Variants in CSNK2A2 observed in about 807,000 individuals in gnomAD.
CSNK2A2 encodes casein kinase II subunit alpha'.
In CSNK2A2, 8 loss-of-function variants were observed where a neutral mutation model predicts 54.0. The observed-to-expected ratio is 0.15, with a 90% confidence interval of 0.09 to 0.27. CSNK2A2 has a LOEUF of 0.27. Among genes scored for constraint, CSNK2A2 ranks in the 10% least tolerant of loss-of-function variants. CSNK2A2 has a pLI of 1.00. For missense variants in CSNK2A2, 242 were observed against 439.4 expected (o/e 0.55, Z 4.02); for synonymous variants, 141 against 153.9 (o/e 0.92, Z 0.62).
At chr16:58,196,020 T>A (rs1012861857) in intron 2 of CSNK2A2, among the ~76,000 whole-genome samples, 4 of 152,238 alleles carry the variant, frequency 2.6e-5, no homozygotes, top group African/African-American at 9.6e-5. Flanking sequence ...TTGAAATACA[T>A]TTCTGAAGTC....
At position 58,172,262 on chromosome 16, in the gene CSNK2A2, G is replaced by A. The variant is rs560754067; in HGVS notation, c.429+2189C>T. On this transcript the variant is annotated intron_variant, in intron 5 of 11. Coordinates refer to ENST00000262506, the MANE Select transcript of CSNK2A2 (RefSeq NM_001896.4). ...AACATCCAAAAGACTGTACGTTTAAGATTTATTTACTTCACTTACATTCTA... is the reference window on the plus strand; with the variant it reads ...AACATCCAAAAGACTGTACGTTTAAAATTTATTTACTTCACTTACATTCTA... 4.5e-4 allele frequency among the ~76,000 whole-genome samples: 68 copies of A among 152,192 alleles called. 2 individuals are homozygous for A. Among genetic ancestry groups the A allele is most frequent in the African/African-American group, 1.6e-3 (65 of 41,536 alleles).
chr16:58,171,806 T>C (rs1052765259), intron 5 of CSNK2A2, among the ~76,000 whole-genome samples: 6 of 150,806 alleles, frequency 4.0e-5, no homozygotes, highest in Non-Finnish European at 8.9e-5. Context: ...TTTATTTTTT[T>C]GTACAGGGCC....
intron 5 of CSNK2A2, among the ~76,000 whole-genome samples, chr16:58,171,867 A>G (rs550976965): frequency 1.3e-5 from 2 of 148,388 alleles, no homozygotes; most frequent in Admixed American, 1.3e-4. Context: ...AGCTCACTGC[A>G]ACCTCTGCCT....
At chr16:58,191,230 G>A (rs1962313520) in intron 2 of CSNK2A2, among the ~76,000 whole-genome samples, 1 of 152,194 alleles carries the variant, frequency 6.6e-6, no homozygotes, top group Non-Finnish European at 1.5e-5. Context: ...GAAATAGGTA[G>A]TTACTGTTTA....
intron 4 of CSNK2A2, among the ~76,000 whole-genome samples, chr16:58,178,914 G>A (rs1351814208): frequency 6.6e-6 from 1 of 152,118 alleles, no homozygotes; most frequent in Non-Finnish European, 1.5e-5. Flanking sequence ...CACGTTCTCT[G>A]AACATAGTGC....
At chr16:58,172,774 G>A (rs1961777087) in intron 5 of CSNK2A2, among the ~76,000 whole-genome samples, 1 of 152,186 alleles carries the variant, frequency 6.6e-6, no homozygotes. Flanking sequence ...AAGCATGAAT[G>A]ACGTTTTTCA....
chr16:58,159,473 A>G (rs1458310456), intron 11 of CSNK2A2: 1 of 152,284 alleles, frequency 6.6e-6, no homozygotes, highest in Non-Finnish European at 1.5e-5. Context: ...AAGGTGTAAC[A>G]CACATCTTTG....
intron 5 of CSNK2A2, among the ~76,000 whole-genome samples, chr16:58,171,958 C>CATATATATATATAT (rs71155247): frequency 1.2e-3 from 37 of 31,326 alleles, no homozygotes; most frequent in East Asian, 2.2e-3. Context: ...CTGGAGCATG[C>CATATATATATATAT]ATATATATAT....
At chr16:58,192,057 C>G (rs1477514373) in intron 2 of CSNK2A2, among the ~76,000 whole-genome samples, 1 of 152,178 alleles carries the variant, frequency 6.6e-6, no homozygotes, top group Non-Finnish European at 1.5e-5. Flanking sequence ...GACAATCAAT[C>G]TCTCTACCCA....
chr16:58,177,121 G>A (rs1961902155), intron 4 of CSNK2A2, among the ~76,000 whole-genome samples: 1 of 152,148 alleles, frequency 6.6e-6, no homozygotes, highest in Non-Finnish European at 1.5e-5. Flanking sequence ...TCACACAGCC[G>A]AAAAGCAAGT....
intron 4 of CSNK2A2, among the ~76,000 whole-genome samples, chr16:58,177,356 C>T (rs1961910502): frequency 6.6e-6 from 1 of 152,188 alleles, no homozygotes; most frequent in South Asian, 2.1e-4. Flanking sequence ...AAAATGCTGG[C>T]AGGAAGTCAG....
At chr16:58,176,490 G>A (rs530205127) in intron 4 of CSNK2A2, among the ~76,000 whole-genome samples, 4 of 152,236 alleles carry the variant, frequency 2.6e-5, no homozygotes, top group South Asian at 4.1e-4. Context: ...CAGGATCTCC[G>A]GGTAGGAGGA....
intron 2 of CSNK2A2, among the ~76,000 whole-genome samples, chr16:58,190,986 T>C (rs1962308876): frequency 6.6e-6 from 1 of 152,222 alleles, no homozygotes; most frequent in Non-Finnish European, 1.5e-5. Context: ...CATCCACTGA[T>C]GGATGAATGG....
intron 10 of CSNK2A2, among the ~76,000 whole-genome samples, chr16:58,164,982 G>A (rs955270578): frequency 2.0e-5 from 3 of 152,180 alleles, no homozygotes; most frequent in African/African-American, 7.2e-5. Context: ...CTGATAATAG[G>A]AGGAAGTTTA....
At chr16:58,169,829 C>A (rs1008638602) in intron 5 of CSNK2A2, among the ~76,000 whole-genome samples, 12 of 151,878 alleles carry the variant, frequency 7.9e-5, no homozygotes, top group Non-Finnish European at 1.8e-4. Flanking sequence ...CAGATCACTT[C>A]AGGTCAGGAG....
chr16:58,183,477 C>G (rs923866449), intron 4 of CSNK2A2, among the ~76,000 whole-genome samples: 27 of 152,120 alleles, frequency 1.8e-4, no homozygotes, highest in Non-Finnish European at 5.9e-5. Context: ...AGTTTTGTCT[C>G]TAGCTCCTGT....
At chr16:58,167,905 T>C (rs188360477) in intron 6 of CSNK2A2, 110 bp from the exon 7 acceptor site, 5 of 810,744 alleles carry the variant, frequency 6.2e-6, no homozygotes, top group Admixed American at 6.2e-5. Flanking sequence ...ACAAAAAATG[T>C]GAGCAGGTGC....
chr16:58,192,298 C>G (rs1597126024), intron 2 of CSNK2A2, among the ~76,000 whole-genome samples: 1 of 152,144 alleles, frequency 6.6e-6, no homozygotes, highest in East Asian at 1.9e-4. Context: ...CTGCTTTATA[C>G]ATGAAAATGG....
intron 4 of CSNK2A2, among the ~76,000 whole-genome samples, chr16:58,174,792 C>A (rs1961833627): frequency 6.6e-6 from 1 of 152,278 alleles, no homozygotes; most frequent in African/African-American, 2.4e-5. Context: ...TTGCCAATTA[C>A]AATTATTAAC....
Sources: allele counts gnomAD v4.1 joint callset (sites outside exome capture counted in the v4.1 genomes callset), GRCh38; gene constraint gnomAD v4.1.1; transcripts MANE v1.5; gene names NCBI Gene and HGNC (gene_info 2026-07-23, HGNC 2026-07-21).